Variants in KMT5A observed in about 807,000 individuals in gnomAD.
KMT5A encodes the protein N-lysine methyltransferase KMT5A.
KMT5A carries 6 observed loss-of-function variants against 40.6 expected under a neutral mutation model. The ratio of observed to expected loss-of-function variants is 0.15; its 90% CI spans 0.08 to 0.29. The LOEUF is 0.29. Among genes scored for constraint, KMT5A ranks in the 10% least tolerant of loss-of-function variants. The probability of loss-of-function intolerance (pLI) is 1.00; values close to 1 mark genes in which losing one functional copy is unlikely to be tolerated. For missense variants in KMT5A, 308 were observed against 459.1 expected, an observed-to-expected ratio of 0.67 and a Z score of 3.01; for synonymous variants, 153 against 178.8, an observed-to-expected ratio of 0.86 and a Z score of 1.15.
At position 123,384,268 on chromosome 12, in the gene KMT5A, G is replaced by T. The variant is rs1050010541; in HGVS notation, c.10+60G>T. 43 of 1,603,132 alleles carry T rather than the reference G, an allele frequency of 2.7e-5. No homozygotes were observed. Among genetic ancestry groups the T allele is most frequent in the Non-Finnish European group, 3.6e-5 (42 of 1,176,348 alleles). On this transcript the variant is annotated intron_variant, in intron 1 of 7. Coordinates refer to ENST00000402868, the MANE Select transcript of KMT5A (RefSeq NM_020382.7). The surrounding 1 kb of genome is among the most constrained non-coding windows in gnomAD (Gnocchi z 5.7). ...GGTCGGGGGTCGTGCTGGAGGGGTT[G>T]CCGGGGTGGAGGCAGCGGCTGCGGG...
At chr12:123,406,379 A>G (rs559806113) in intron 7 of KMT5A, among the ~76,000 whole-genome samples, 6 of 152,210 alleles carry the variant, frequency 3.9e-5, no homozygotes, top group South Asian at 2.1e-4. Flanking sequence ...CAGTGGCACG[A>G]TCTTGGCTCA....
chr12:123,389,407 C>G, intron 1 of KMT5A, 26 bp from the exon 2 acceptor site: 1 of 1,045,026 alleles, frequency 9.6e-7, no homozygotes. Flanking sequence ...CCCCCTCCCC[C>G]GCTTCCCCCG....
intron 2 of KMT5A, chr12:123,390,072 CCCAG>C: frequency 2.1e-6 from 1 of 468,940 alleles, no homozygotes. Context: ...TCCTGCTCTT[CCCAG>C]ATTCCCCAGT....
rs143532446 is a variant in KMT5A at position 123,391,090 on chromosome 12, G to T, written c.289+304G>T. 9.6e-5 allele frequency: 33 copies of T among 344,908 alleles called. No homozygotes were observed. The East Asian group carries it at 1.9e-3, about 20-fold the overall frequency. 21.4% of individuals were successfully genotyped at this position (344,908 alleles called of 1,614,324 possible). ...GAGGCTCACAAGTGCTGAAAGTGCA[G>T]AAGTCATGAATTCAGGTTGTACAGA... On this transcript the variant is annotated intron_variant, in intron 3 of 7. Coordinates refer to ENST00000402868, the MANE Select transcript of KMT5A (RefSeq NM_020382.7).
At chr12:123,403,687 C>A in intron 6 of KMT5A, 55 bp downstream of exon 6, 1 of 1,606,974 alleles carries the variant, frequency 6.2e-7, no homozygotes, top group South Asian at 1.1e-5. Flanking sequence ...AGCTCACCTT[C>A]CCTGGTCCCG....
chr12:123,399,085 C>G (rs1359025189), intron 5 of KMT5A, among the ~76,000 whole-genome samples: 1 of 152,256 alleles, frequency 6.6e-6, no homozygotes, highest in Admixed American at 6.5e-5. Context: ...CCTTGGCCGG[C>G]CAGCCTGGCT....
At chr12:123,398,664 A>G (rs918485871) in intron 5 of KMT5A, among the ~76,000 whole-genome samples, 1 of 152,238 alleles carries the variant, frequency 6.6e-6, no homozygotes, top group African/African-American at 2.4e-5. Context: ...GAGTGCAGCC[A>G]TGCAAGCTGT....
chr12:123,401,812 C>T (rs1389070549), intron 5 of KMT5A, among the ~76,000 whole-genome samples: 2 of 151,976 alleles, frequency 1.3e-5, no homozygotes, highest in Non-Finnish European at 2.9e-5. Flanking sequence ...AAACTCGTAA[C>T]CTCAAGTGAT....
At chr12:123,393,224 TATATC>T (rs1482099692) in intron 3 of KMT5A, among the ~76,000 whole-genome samples, 3 of 152,308 alleles carry the variant, frequency 2.0e-5, no homozygotes, top group African/African-American at 7.2e-5. Flanking sequence ...ATATAGTTAA[TATATC>T]ATAACGTTCA....
At chr12:123,386,881 A>C (rs1301184260) in intron 1 of KMT5A, among the ~76,000 whole-genome samples, 1 of 151,958 alleles carries the variant, frequency 6.6e-6, no homozygotes, top group Non-Finnish European at 1.5e-5. Context: ...TGGGAGACAG[A>C]GTCTCACTCT....
intron 7 of KMT5A, among the ~76,000 whole-genome samples, chr12:123,405,467 G>C (rs1025760903): frequency 1.5e-5 from 2 of 136,724 alleles, no homozygotes; most frequent in Non-Finnish European, 3.1e-5. Context: ...CACTGCGCTC[G>C]GGCTGTTGTT....
intron 1 of KMT5A, chr12:123,388,972 G>GAGGACGCGCCGCCTGCGC (rs1877045461): frequency 6.9e-6 from 1 of 143,942 alleles, no homozygotes; most frequent in African/African-American, 2.5e-5. Flanking sequence ...GAGGGCTGCG[G>GAGGACGCGCCGCCTGCGC]AGGACGCGCC....
rs1876761885 is a variant in KMT5A at position 123,384,699 on chromosome 12, T to G, written c.10+491T>G. On this transcript the variant is annotated intron_variant, in intron 1 of 7. Coordinates refer to ENST00000402868, the MANE Select transcript of KMT5A (RefSeq NM_020382.7). This position sits in a 1 kb window ranked among gnomAD's most constrained non-coding sequence, Gnocchi z 5.7. ...CACCGCAGCAGGCGCCTTTCCTCCCTCCCCACGTCCTGAGTCAGCTCTGCG... is the reference window on the plus strand; with the variant it reads ...CACCGCAGCAGGCGCCTTTCCTCCCGCCCCACGTCCTGAGTCAGCTCTGCG... 6.6e-6 allele frequency among the ~76,000 whole-genome samples: 1 copy of G among 152,178 alleles called. No individual in the cohort carries two copies. The highest frequency in any genetic ancestry group is 2.1e-4 in the South Asian group (1 of 4,832).
intron 3 of KMT5A, among the ~76,000 whole-genome samples, chr12:123,392,069 G>T (rs2139168158): frequency 6.6e-6 from 1 of 152,310 alleles, no homozygotes; most frequent in Non-Finnish European, 1.5e-5. Flanking sequence ...GGAGAGAGGA[G>T]TCTGACCTCA....
At chr12:123,403,879 T>TA (rs1878353567) in intron 6 of KMT5A, among the ~76,000 whole-genome samples, 1 of 152,238 alleles carries the variant, frequency 6.6e-6, no homozygotes, top group South Asian at 2.1e-4. Flanking sequence ...AAATTGTGGT[T>TA]AAACAATTCA....
chr12:123,389,625 C>T (rs1289084126), intron 2 of KMT5A, 71 bp downstream of exon 2: 2 of 1,022,804 alleles, frequency 2.0e-6, no homozygotes, highest in Admixed American at 5.6e-5. Context: ...ATGGGCGACC[C>T]CGGGTACCCG....
At chr12:123,394,294 G>A (rs1237078714) in intron 3 of KMT5A, among the ~76,000 whole-genome samples, 1 of 151,722 alleles carries the variant, frequency 6.6e-6, no homozygotes, top group Non-Finnish European at 1.5e-5. Context: ...AGTAGAGATG[G>A]GGTTTACCAT....
At chr12:123,385,016 A>G (rs1396087115) in intron 1 of KMT5A, among the ~76,000 whole-genome samples, 1 of 152,204 alleles carries the variant, frequency 6.6e-6, no homozygotes, top group African/African-American at 2.4e-5. Context: ...CTTGAGCGTG[A>G]AAGTTGAGTA....
chr12:123,404,496 G>A (rs1361645794), intron 6 of KMT5A, among the ~76,000 whole-genome samples: 1 of 152,240 alleles, frequency 6.6e-6, no homozygotes, highest in Admixed American at 6.5e-5. Flanking sequence ...AACCAGGTGT[G>A]TGGATTTGAG....
Sources: allele counts gnomAD v4.1 joint callset (sites outside exome capture counted in the v4.1 genomes callset), GRCh38; gene constraint gnomAD v4.1.1; non-coding constraint Gnocchi (gnomAD v3.1); transcripts MANE v1.5; gene names NCBI Gene and HGNC (gene_info 2026-07-23, HGNC 2026-07-21).